The following LRRC37A2 variants were observed in gnomAD, a reference collection of about 807,000 sequenced individuals.
LRRC37A2 encodes leucine-rich repeat-containing protein 37A2.
Under a neutral mutation model 68.8 loss-of-function variants are expected in LRRC37A2, and 9 were observed. The observed-to-expected ratio is 0.13, with a 90% CI of 0.08 to 0.23. The LOEUF (loss-of-function observed/expected upper bound fraction) is 0.23. LRRC37A2 is among the 10% of genes least tolerant of loss of function. The pLI is 1.00. For synonymous variants in LRRC37A2, 63 were observed against 367.6 expected (o/e 0.17, Z 9.48); for missense variants, 168 against 950.4 (o/e 0.18, Z 10.82).
chr17:46,548,226 CTG>C, intron 9 of LRRC37A2, 84 bp from the exon 9 acceptor site: 2 of 314,282 alleles, frequency 6.4e-6, no homozygotes, highest in Non-Finnish European at 1.0e-5. Context: ...GACTCCTACT[CTG>C]TGTGACTGGG....
the LRRC37A2 span, among the ~76,000 whole-genome samples, chr17:46,456,215 T>G: frequency 1.5e-5 from 1 of 64,588 alleles, no homozygotes; most frequent in African/African-American, 4.8e-5. Flanking sequence ...GGGATATGTG[T>G]GTGTGTGTGT....
the LRRC37A2 span, among the ~76,000 whole-genome samples, chr17:46,770,273 G>C: frequency 2.6e-5 from 4 of 152,234 alleles, no homozygotes; most frequent in African/African-American, 4.8e-5. Context: ...CTGGGCTGCT[G>C]ATTAGCTCAG....
chr17:46,923,130 G>T, the LRRC37A2 span: 1 of 1,145,524 alleles, frequency 8.7e-7, no homozygotes, highest in South Asian at 1.3e-5. Context: ...AACCGGAAGG[G>T]GGGCTGTGAG....
the LRRC37A2 span, among the ~76,000 whole-genome samples, chr17:46,693,530 A>AT: frequency 6.7e-6 from 1 of 149,552 alleles, no homozygotes; most frequent in African/African-American, 2.5e-5. Flanking sequence ...AAAAAAAAAA[A>AT]CACCCTGCTG....
At chr17:46,935,182 CTGGGG>C in the LRRC37A2 span, 1 of 1,613,520 alleles carries the variant, frequency 6.2e-7, no homozygotes, top group South Asian at 1.1e-5. Context: ...GGGGTCCCTG[CTGGGG>C]GACAGAGAGA....
At chr17:46,938,872 C>T in the LRRC37A2 span, 1 of 1,575,908 alleles carries the variant, frequency 6.3e-7, no homozygotes, top group Non-Finnish European at 8.6e-7. Context: ...CCTGTCTGAA[C>T]TGTGAAGACA....
At chr17:46,876,438 C>T in the LRRC37A2 span, 24 of 1,613,624 alleles carry the variant, frequency 1.5e-5, no homozygotes, top group South Asian at 2.6e-4. Flanking sequence ...TGGGCCCCTG[C>T]CAGGCAGGGC....
At chr17:46,516,297 C>T (rs1376125412) in intron 2 of LRRC37A2, among the ~76,000 whole-genome samples, 1 of 78,648 alleles carries the variant, frequency 1.3e-5, no homozygotes, top group African/African-American at 3.9e-5. Flanking sequence ...AGCAAGACTC[C>T]ATCTCAAAAA....
the LRRC37A2 span, among the ~76,000 whole-genome samples, chr17:46,902,731 C>T: frequency 6.6e-6 from 1 of 152,072 alleles, no homozygotes; most frequent in African/African-American, 2.4e-5. Context: ...CCACAGATAC[C>T]GTGAGTAGCC....
the LRRC37A2 span, among the ~76,000 whole-genome samples, chr17:46,635,856 CTCTT>C: frequency 3.9e-5 from 5 of 127,922 alleles, no homozygotes; most frequent in Admixed American, 1.6e-4. Context: ...TAGCAATAGA[CTCTT>C]TCTTACTAGG....
At chr17:46,733,310 G>A in the LRRC37A2 span, among the ~76,000 whole-genome samples, 1 of 152,116 alleles carries the variant, frequency 6.6e-6, no homozygotes, top group Non-Finnish European at 1.5e-5. Flanking sequence ...TGCAGGACCA[G>A]TGGCTTGATT....
chr17:46,869,340 C>T, the LRRC37A2 span, among the ~76,000 whole-genome samples: 3 of 152,192 alleles, frequency 2.0e-5, no homozygotes, highest in Non-Finnish European at 2.9e-5. Flanking sequence ...TCCAAGGCAA[C>T]ACTGGCCATG....
chr17:46,974,590 T>G, the LRRC37A2 span, among the ~76,000 whole-genome samples: 1 of 151,910 alleles, frequency 6.6e-6, no homozygotes, highest in Non-Finnish European at 1.5e-5. Context: ...AAAAATTAGC[T>G]GGGCGTGGTG....
chr17:46,876,956 G>C, the LRRC37A2 span: 1 of 1,310,306 alleles, frequency 7.6e-7, no homozygotes, highest in Non-Finnish European at 9.7e-7. Context: ...ACCTTGTTGA[G>C]GACTTGGAGA....
chr17:46,765,321 G>GA, the LRRC37A2 span, among the ~76,000 whole-genome samples: 1 of 152,234 alleles, frequency 6.6e-6, no homozygotes, highest in African/African-American at 2.4e-5. Context: ...ACTCTTGCCA[G>GA]AACCTTTCCA....
chr17:46,863,193 G>C, the LRRC37A2 span, among the ~76,000 whole-genome samples: 1 of 152,238 alleles, frequency 6.6e-6, no homozygotes, highest in African/African-American at 2.4e-5. Flanking sequence ...AGGTTTGGCG[G>C]TGGGGCGTTA....
the LRRC37A2 span, among the ~76,000 whole-genome samples, chr17:46,819,928 A>C: frequency 1.3e-5 from 2 of 152,294 alleles, no homozygotes; most frequent in Non-Finnish European, 2.9e-5. The surrounding 1 kb of genome is among the most constrained non-coding windows in gnomAD (Gnocchi z 5.3). Flanking sequence ...CACCTGAGGC[A>C]CCAGGACTCT....
chr17:46,755,948 C>T, the LRRC37A2 span: 4 of 875,068 alleles, frequency 4.6e-6, no homozygotes, highest in South Asian at 1.6e-5. Flanking sequence ...AACATGTGCT[C>T]GCTCTGCATG....
At chr17:46,983,099 AG>A in the LRRC37A2 span, among the ~76,000 whole-genome samples, 1 of 152,098 alleles carries the variant, frequency 6.6e-6, no homozygotes, top group African/African-American at 2.4e-5. Flanking sequence ...TGATTGCTGC[AG>A]GGGTTGTTCG....
Sources: gnomAD v4.1 joint callset for allele counts (sites outside exome capture counted in the v4.1 genomes callset) on GRCh38, gnomAD v4.1.1 for gene constraint, Gnocchi (gnomAD v3.1) non-coding constraint, MANE v1.5 for transcripts, NCBI Gene and HGNC (gene_info 2026-07-23, HGNC 2026-07-21) for gene names.